BCAS1: variants seen among roughly 807,000 people sequenced by gnomAD.
The protein encoded by BCAS1 is breast carcinoma-amplified sequence 1.
Under a neutral mutation model 65.4 loss-of-function variants are expected in BCAS1, and 46 were observed. The observed-to-expected ratio is 0.70, with a 90% CI of 0.55 to 0.90. The LOEUF (loss-of-function observed/expected upper bound fraction) is 0.90, where lower values mean the gene tolerates loss of function less well. Among genes scored for constraint, BCAS1 ranks in the 40% least tolerant of loss-of-function variants. The pLI is 0.00. For missense variants in BCAS1, 793 were observed against 771.2 expected (o/e 1.03, Z -0.33); for synonymous variants, 298 against 293.5 (o/e 1.02, Z -0.16).
intron 7 of BCAS1, 122 bp downstream of exon 7, chr20:53,992,390 T>C: frequency 1.3e-6 from 1 of 760,812 alleles, no homozygotes; most frequent in South Asian, 1.9e-5. Context: ...AATTCTCTTT[T>C]AATGATCCCC....
chr20:53,973,500 A>C (rs548786707), intron 9 of BCAS1, among the ~76,000 whole-genome samples: 1 of 152,308 alleles, frequency 6.6e-6, no homozygotes, highest in South Asian at 2.1e-4. Context: ...CCTGTTAGAG[A>C]TCAACTCTGC....
intron 9 of BCAS1, among the ~76,000 whole-genome samples, chr20:53,975,140 T>C (rs2090294660): frequency 6.6e-6 from 1 of 152,236 alleles, no homozygotes; most frequent in African/African-American, 2.4e-5. Flanking sequence ...CAGCCCCTAC[T>C]GATAACAATT....
At chr20:54,054,914 C>T (rs2092273512) in intron 3 of BCAS1, among the ~76,000 whole-genome samples, 1 of 152,006 alleles carries the variant, frequency 6.6e-6, no homozygotes, top group Non-Finnish European at 1.5e-5. Flanking sequence ...CAAATATGTG[C>T]ATACATGTAT....
At chr20:54,024,522 C>T (rs540785660) in intron 4 of BCAS1, among the ~76,000 whole-genome samples, 5 of 152,236 alleles carry the variant, frequency 3.3e-5, no homozygotes, top group Middle Eastern at 3.4e-3. Flanking sequence ...GGATGGATCC[C>T]GGCTAGAGAT....
At chr20:53,967,611 G>C (rs574675662) in intron 9 of BCAS1, among the ~76,000 whole-genome samples, 2 of 152,162 alleles carry the variant, frequency 1.3e-5, no homozygotes, top group African/African-American at 4.8e-5. Flanking sequence ...TTTTTCCCTA[G>C]AACAGTCATT....
rs750650918 is a variant in BCAS1 at position 53,995,954 on chromosome 20, C to A, written c.820G>T (p.Asp274Tyr). 1.2e-6 allele frequency: 2 copies of A among 1,613,542 alleles called. No homozygotes were observed. The highest frequency in any genetic ancestry group is 2.2e-5 in the South Asian group (2 of 90,994). The change falls in exon 5 of 13, where the codon GAT (aspartate) becomes TAT (tyrosine). Residue 274 changes from aspartate (D) to tyrosine (Y), a missense_variant. By Grantham distance (160) the Asp-to-Tyr change is radical. Transcript: ENST00000688948. The part of the protein sequence containing the change: ...DPEGLETAKD[D>Y]SQAAAIAENN... The stretch of plus-strand genomic sequence containing the variant: ...TCTGCTATAGCTGCTGCCTGGGAAT[C>A]GTCCTTTGCAGTCTCCAGTCCTTCT...
At position 54,015,157 on chromosome 20, in the gene BCAS1, G is replaced by A. The variant is rs1386332337; in HGVS notation, c.723+13235C>T. ...AAGTGATTCTCCTGCCTCAGCCTCC[G>A]AGTAACTGGGATTACAGGCATGTGC... On this transcript the variant is annotated intron_variant, in intron 4 of 12. Transcript: ENST00000688948. 4.6e-5 allele frequency among the ~76,000 whole-genome samples: 7 copies of A among 151,176 alleles called. No homozygotes were observed. In the South Asian group the frequency reaches 1.5e-3, roughly 32 times the overall value.
At chr20:54,000,064 C>T (rs2091019348) in intron 4 of BCAS1, among the ~76,000 whole-genome samples, 1 of 152,188 alleles carries the variant, frequency 6.6e-6, no homozygotes, top group South Asian at 2.1e-4. Flanking sequence ...CTTTCTTTAC[C>T]ACTCTACTTT....
chr20:53,953,385 G>A, intron 12 of BCAS1, 47 bp downstream of exon 12: 9 of 1,605,994 alleles, frequency 5.6e-6, no homozygotes, highest in Non-Finnish European at 7.7e-6. Flanking sequence ...AGATGGTGTT[G>A]GGGAAGGAGA....
At chr20:53,977,188 C>T (rs528386362) in intron 8 of BCAS1, among the ~76,000 whole-genome samples, 8 of 152,238 alleles carry the variant, frequency 5.3e-5, no homozygotes, top group East Asian at 1.9e-4. Context: ...AAACTTCCCC[C>T]ATGATCCAAT....
intron 3 of BCAS1, among the ~76,000 whole-genome samples, chr20:54,030,686 C>CA (rs1489682195): frequency 2.0e-5 from 3 of 150,880 alleles, no homozygotes; most frequent in African/African-American, 7.3e-5. Context: ...AAACAACAAA[C>CA]AAAAAAGGGG....
At chr20:54,044,198 G>T (rs1169680590) in intron 3 of BCAS1, among the ~76,000 whole-genome samples, 2 of 152,172 alleles carry the variant, frequency 1.3e-5, no homozygotes, top group African/African-American at 4.8e-5. Context: ...GAGTGCAGCT[G>T]TTGTTATTTC....
chr20:54,006,464 C>T (rs2091193109), intron 4 of BCAS1, among the ~76,000 whole-genome samples: 1 of 152,172 alleles, frequency 6.6e-6, no homozygotes, highest in African/African-American at 2.4e-5. Context: ...AATCCTAGCA[C>T]TTTGGGAGAC....
At chr20:54,066,175 C>G (rs1159383718) in intron 1 of BCAS1, among the ~76,000 whole-genome samples, 1 of 152,006 alleles carries the variant, frequency 6.6e-6, no homozygotes, top group Non-Finnish European at 1.5e-5. Context: ...CGGGTTCACA[C>G]CATTCTCCTG....
At chr20:54,061,870 C>G (rs1401681131) in intron 1 of BCAS1, among the ~76,000 whole-genome samples, 3 of 152,144 alleles carry the variant, frequency 2.0e-5, no homozygotes, top group Non-Finnish European at 4.4e-5. Flanking sequence ...ATCCTCAAGA[C>G]CAGGGTTGGC....
Position 53,953,483 on chromosome 20 carries a change from T to C in BCAS1, c.1764A>G (p.Gln588=). ...TNSLQNGDKL[Q]KRPEKRQQSL... is the part of the protein sequence containing the mutation. ...ACTGCTGCCGCTTCTCAGGTCTCTT[T>C]TGGAGCTTGTCCCCATTCTGCAGTG... Residue 588 remains glutamine, a synonymous_variant, in exon 12 of 13, where the codon CAA becomes CAG. Transcript: ENST00000688948. The C allele has an allele frequency of 6.2e-7, 1 of 1,614,080 alleles. No homozygotes were observed. The highest frequency in any genetic ancestry group is 1.3e-5 in the African/African-American group (1 of 75,020).
At chr20:53,997,632 T>C (rs1035348012) in intron 4 of BCAS1, among the ~76,000 whole-genome samples, 4 of 152,228 alleles carry the variant, frequency 2.6e-5, no homozygotes, top group Non-Finnish European at 4.4e-5. Context: ...TCAAGAGGTA[T>C]GCAAATTATA....
rs1222438256 is a variant in BCAS1 at position 53,994,908 on chromosome 20, CACACACACAT to C, written c.927+94_927+103del. The C allele has an allele frequency of 9.9e-5, 89 of 901,384 alleles. No homozygotes were observed. The African/African-American group carries it at 1.4e-3, about 14-fold the overall frequency. 55.8% of individuals were successfully genotyped at this position (901,384 alleles called of 1,614,324 possible). A position where few individuals can be genotyped will look rare whatever the true frequency, so the allele number is the denominator to read the frequency against. On this transcript the variant is annotated intron_variant, in intron 6 of 12. Coordinates refer to ENST00000688948, the MANE Select transcript of BCAS1 (RefSeq NM_001366298.2). ...TATGATACACACACACACACACACA[CACACACACAT>C]ATATGTATTCAAAAAACAAGCAGGC...
chr20:54,051,063 C>A (rs752620667), intron 3 of BCAS1, among the ~76,000 whole-genome samples: 2 of 152,122 alleles, frequency 1.3e-5, no homozygotes, highest in African/African-American at 4.8e-5. Context: ...AAGGAGCAGC[C>A]GTCATTCTCC....
Sources: gnomAD v4.1 joint callset for allele counts (sites outside exome capture counted in the v4.1 genomes callset) on GRCh38, gnomAD v4.1.1 for gene constraint, MANE v1.5 for transcripts, NCBI Gene and HGNC (gene_info 2026-07-23, HGNC 2026-07-21) for gene names.